PPP6R2: variants seen among roughly 807,000 people sequenced by gnomAD.
PPP6R2 encodes protein phosphatase 6 regulatory subunit 2, also known as serine/threonine-protein phosphatase 6 regulatory subunit 2.
In PPP6R2, 62 loss-of-function variants were observed where a neutral mutation model predicts 100.2. That is an observed-to-expected ratio of 0.62 (90% CI 0.50 to 0.76). The LOEUF is 0.76. PPP6R2 is among the 30% of genes least tolerant of loss of function. PPP6R2 has a pLI of 0.00. For missense variants in PPP6R2, 1,142 were observed against 1,276.3 expected (o/e 0.89, Z 1.60); for synonymous variants, 525 against 514.7 (o/e 1.02, Z -0.27).
At chr22:50,369,905 ATTTTTTTTTT>A (rs1353992863) in intron 1 of PPP6R2, among the ~76,000 whole-genome samples, 1 of 123,642 alleles carries the variant, frequency 8.1e-6, no homozygotes, top group Non-Finnish European at 1.6e-5. Context: ...CAGCTAAGTA[ATTTTTTTTTT>A]TTTTTTTTTT....
chr22:50,438,910 G>A (rs568040576), intron 19 of PPP6R2, 148 bp downstream of exon 19: 45 of 887,930 alleles, frequency 5.1e-5, no homozygotes, highest in South Asian at 1.8e-4. Flanking sequence ...TTTCCCAGCC[G>A]TCCTGAGTAG....
At chr22:50,385,672 T>C in intron 2 of PPP6R2, among the ~76,000 whole-genome samples, 1 of 144,544 alleles carries the variant, frequency 6.9e-6, no homozygotes, top group East Asian at 2.1e-4. Flanking sequence ...CCTGCCACTA[T>C]GCCTGGCTAA....
chr22:50,350,600 C>G (rs137921603), intron 1 of PPP6R2, among the ~76,000 whole-genome samples: 32,512 of 151,224 alleles, frequency 0.21, 4,983 homozygotes, highest in African/African-American at 0.44. Context: ...AATCCCAGCA[C>G]TTTGGGAGGC....
intron 4 of PPP6R2, among the ~76,000 whole-genome samples, chr22:50,408,505 A>G (rs1377882624): frequency 6.6e-6 from 1 of 152,162 alleles, no homozygotes; most frequent in Non-Finnish European, 1.5e-5. Context: ...GAAGGTCGCC[A>G]GCAGCAGTGG....
chr22:50,424,549 C>T (rs1460098225), intron 10 of PPP6R2, among the ~76,000 whole-genome samples: 1 of 150,674 alleles, frequency 6.6e-6, no homozygotes, highest in East Asian at 2.0e-4. Context: ...TGTATGAGTT[C>T]TGGGCACTGC....
At chr22:50,419,186 G>A (rs1313654254) in intron 7 of PPP6R2, among the ~76,000 whole-genome samples, 163 bp from the exon 8 acceptor site, 1 of 152,204 alleles carries the variant, frequency 6.6e-6, no homozygotes, top group Non-Finnish European at 1.5e-5. Flanking sequence ...CTAGAGAGTG[G>A]GCCAGCAGCA....
intron 12 of PPP6R2, among the ~76,000 whole-genome samples, chr22:50,434,454 C>A (rs1488763440): frequency 1.4e-5 from 1 of 69,538 alleles, no homozygotes; most frequent in African/African-American, 6.9e-5. Context: ...TGGAGGTGAA[C>A]CTGGAGGAGG....
chr22:50,433,000 T>C (rs1428867975), intron 12 of PPP6R2, among the ~76,000 whole-genome samples: 5 of 152,206 alleles, frequency 3.3e-5, no homozygotes, highest in Non-Finnish European at 7.3e-5. Context: ...CAGCGGGACT[T>C]AGGCCACGCC....
intron 1 of PPP6R2, among the ~76,000 whole-genome samples, chr22:50,349,747 G>A (rs967871307): frequency 2.0e-5 from 3 of 150,608 alleles, no homozygotes; most frequent in Admixed American, 6.6e-5. Context: ...CCCGGGAAGC[G>A]GAGGTTGCAG....
intron 19 of PPP6R2, among the ~76,000 whole-genome samples, chr22:50,439,385 C>T (rs568717536): frequency 6.6e-6 from 1 of 152,282 alleles, no homozygotes; most frequent in Non-Finnish European, 1.5e-5. Context: ...CTGTGGGTTG[C>T]GGTCCTGGGT....
Position 50,422,251 on chromosome 22 carries a change from C to T in PPP6R2, c.846-3C>T. The T allele has an allele frequency of 6.2e-7, 1 of 1,612,974 alleles. No individual in the cohort carries two copies. ...GGTCTCCATCTGCTTTCCTCATCCACAGGACAGAGGGCTTGGTGGACTCCT... is the reference window on the plus strand; with the variant it reads ...GGTCTCCATCTGCTTTCCTCATCCATAGGACAGAGGGCTTGGTGGACTCCT... On this transcript the variant is annotated splice_region_variant and splice_polypyrimidine_tract_variant and intron_variant, in intron 8 of 23. Coordinates refer to ENST00000612753, the MANE Select transcript of PPP6R2 (RefSeq NM_001242898.2).
chr22:50,394,109 G>A lies in PPP6R2; in HGVS notation c.201G>A (p.Leu67=). 3 of 1,614,112 alleles carry A rather than the reference G, an allele frequency of 1.9e-6. No individual in the cohort carries two copies. The highest frequency in any genetic ancestry group is 2.5e-6 in the Non-Finnish European group (3 of 1,180,010). ...LVSLITQDPP[L]DMEEKVRFKY... ...GCCTCATCACACAGGATCCGCCCCT[G>A]GACATGGAGGAGAAGGTCCGCTTCA... is the stretch of plus-strand genomic sequence containing the variant. The change falls in exon 3 of 24, where the codon CTG becomes CTA. Residue 67 remains leucine (L), a synonymous_variant. Coordinates refer to ENST00000612753, the MANE Select transcript of PPP6R2 (RefSeq NM_001242898.2).
chr22:50,432,545 C>T (rs1308417246), intron 12 of PPP6R2, among the ~76,000 whole-genome samples: 1 of 152,226 alleles, frequency 6.6e-6, no homozygotes, highest in East Asian at 1.9e-4. Context: ...CACAGGGAGC[C>T]GACAGGAAGC....
At chr22:50,336,181 G>A in the PPP6R2 span, among the ~76,000 whole-genome samples, 3 of 150,886 alleles carry the variant, frequency 2.0e-5, no homozygotes, top group African/African-American at 7.3e-5. Context: ...GTAGAGACGC[G>A]GTTTCACCAT....
intron 5 of PPP6R2, among the ~76,000 whole-genome samples, chr22:50,415,655 G>T (rs2060434631): frequency 6.6e-6 from 1 of 152,252 alleles, no homozygotes; most frequent in South Asian, 2.1e-4. Flanking sequence ...GGCCCCCGTT[G>T]CCCTTGAGCT....
At chr22:50,368,539 C>A (rs1035993970) in intron 1 of PPP6R2, among the ~76,000 whole-genome samples, 1 of 152,180 alleles carries the variant, frequency 6.6e-6, no homozygotes, top group African/African-American at 2.4e-5. Context: ...ATGCTACAAA[C>A]TAATGATTAA....
chr22:50,426,125 A>T lies in PPP6R2; in HGVS notation c.1125+2511A>T, dbSNP rs181592074. 8.9e-3 allele frequency among the ~76,000 whole-genome samples: 1,353 copies of T among 152,058 alleles called. 26 individuals carry two copies. Among genetic ancestry groups the T allele is most frequent in the African/African-American group, 0.031 (1,285 of 41,468 alleles). ...GCGCCACCACATCCAGCTAATTTTT[A>T]TATTTTTTGTAGAGATGGGGTCTCG... On this transcript the variant is annotated intron_variant, in intron 10 of 23. Transcript: ENST00000612753.
intron 4 of PPP6R2, among the ~76,000 whole-genome samples, chr22:50,412,103 A>G (rs2059831317): frequency 6.6e-6 from 1 of 152,200 alleles, no homozygotes; most frequent in South Asian, 2.1e-4. Flanking sequence ...GACATTTTCT[A>G]AAACACTAGT....
intron 2 of PPP6R2, among the ~76,000 whole-genome samples, chr22:50,382,926 C>A (rs1160314935): frequency 6.6e-6 from 1 of 151,900 alleles, no homozygotes; most frequent in Non-Finnish European, 1.5e-5. Flanking sequence ...CAACCTCTGC[C>A]TCCCAGACTC....
Sources: gnomAD v4.1 joint callset for allele counts (sites outside exome capture counted in the v4.1 genomes callset) on GRCh38, gnomAD v4.1.1 for gene constraint, MANE v1.5 for transcripts, NCBI Gene and HGNC (gene_info 2026-07-23, HGNC 2026-07-21) for gene names.